Variants in ROBO2 observed in about 807,000 individuals in gnomAD.
ROBO2 encodes roundabout homolog 2.
ROBO2 carries 53 observed loss-of-function variants against 160.8 expected under a neutral mutation model. The ratio of observed to expected loss-of-function variants is 0.33; its 90% CI spans 0.26 to 0.41. The LOEUF (loss-of-function observed/expected upper bound fraction) is 0.41. Ranked by LOEUF, ROBO2 falls within the 10% of genes least tolerant of loss-of-function variation. The pLI is 1.00. For synonymous variants in ROBO2, 664 were observed against 611.7 expected (o/e 1.09, Z -1.26); for missense variants, 1,577 against 1,722.4 (o/e 0.92, Z 1.49).
chr3:76,634,581 A>AAG (rs1314799616), intron 2 of ROBO2, among the ~76,000 whole-genome samples: 2 of 150,916 alleles, frequency 1.3e-5, no homozygotes, highest in Non-Finnish European at 2.9e-5. Context: ...GAGAAAAAAA[A>AAG]AAAAAGGACA....
At position 75,947,874 on chromosome 3, in the gene ROBO2, G is replaced by A. The variant is rs76604943; in HGVS notation, c.109+10272G>A. ...AAAGCCCATGGGAGGATGACATTAT[G>A]TCTGGCCAAAGATTTAGGGAAGAGC... On this transcript the variant is annotated intron_variant, in intron 2 of 26. Coordinates refer to the ROBO2 transcript ENST00000487694. 5.7e-4 allele frequency among the ~76,000 whole-genome samples: 87 copies of A among 152,196 alleles called. 1 individual carries two copies. The East Asian group carries it at 0.016, about 27-fold the overall frequency.
Position 77,024,970 on chromosome 3 carries a change from TTG to T in ROBO2, c.110-73042_110-73041del, listed in dbSNP as rs548787427. On this transcript the variant is annotated intron_variant, in intron 2 of 26. Transcript: ENST00000487694. Reference sequence around the variant, plus strand: ...GTCTTCTCCTCTTAGCTGTTTTTTTTTGTTTGTTTTTTGTTTTAAAAAAAAAG... The same window carrying T: ...GTCTTCTCCTCTTAGCTGTTTTTTTTTTTGTTTTTTGTTTTAAAAAAAAAG... Among the ~76,000 whole-genome samples the T allele has an allele frequency of 2.8e-4, 43 of 151,982 alleles. No homozygotes were observed. The South Asian group carries it at 7.3e-3, about 26-fold the overall frequency.
chr3:76,537,797 G>A (rs1277618594), intron 2 of ROBO2, among the ~76,000 whole-genome samples: 1 of 152,108 alleles, frequency 6.6e-6, no homozygotes, highest in African/African-American at 2.4e-5. Context: ...GGGAGATAGG[G>A]GAGGGGCAGC....
At chr3:76,911,641 G>A (rs17014895) in intron 2 of ROBO2, among the ~76,000 whole-genome samples, 61,232 of 152,000 alleles carry the variant, frequency 0.4, 12,614 homozygotes, top group Middle Eastern at 0.48. Flanking sequence ...TAGGTTCTCA[G>A]ATACATGCTA....
chr3:76,760,249 A>G (rs1329199703), intron 2 of ROBO2, among the ~76,000 whole-genome samples: 1 of 151,818 alleles, frequency 6.6e-6, no homozygotes, highest in African/African-American at 2.4e-5. Flanking sequence ...TTAAACATTT[A>G]TGAGAATACT....
At chr3:77,070,355 G>A (rs1260515149) in intron 1 of ROBO2, among the ~76,000 whole-genome samples, 1 of 152,100 alleles carries the variant, frequency 6.6e-6, no homozygotes, top group Non-Finnish European at 1.5e-5. Context: ...TCATTGGTTT[G>A]TGGCAGTATA....
intron 2 of ROBO2, among the ~76,000 whole-genome samples, chr3:77,442,993 T>C (rs2080109058): frequency 6.6e-6 from 1 of 152,230 alleles, no homozygotes; most frequent in South Asian, 2.1e-4. Flanking sequence ...GATTGGAATA[T>C]AATGTGTCTG....
At chr3:76,247,186 C>T (rs775393501) in intron 2 of ROBO2, among the ~76,000 whole-genome samples, 10 of 152,056 alleles carry the variant, frequency 6.6e-5, no homozygotes, top group South Asian at 4.1e-4. Context: ...AGACTTCTTA[C>T]GTGTGTTCAA....
At chr3:76,240,817 G>A (rs555984441) in intron 2 of ROBO2, among the ~76,000 whole-genome samples, 1 of 152,122 alleles carries the variant, frequency 6.6e-6, no homozygotes, top group Admixed American at 6.6e-5. Context: ...TAAACACTGA[G>A]GGTTTTGGGC....
At chr3:77,118,871 C>G (rs189093323) in intron 2 of ROBO2, among the ~76,000 whole-genome samples, 20 of 152,256 alleles carry the variant, frequency 1.3e-4, no homozygotes, top group Admixed American at 2.6e-4. Flanking sequence ...CCTATTGCTT[C>G]TAGCCTATAA....
chr3:76,114,986 A>G (rs987600091), intron 2 of ROBO2, among the ~76,000 whole-genome samples: 3 of 152,138 alleles, frequency 2.0e-5, no homozygotes, highest in African/African-American at 7.2e-5. Context: ...CTGTTAAGTG[A>G]GGTTAGAATT....
chr3:77,541,417 T>C (rs1446557635), intron 6 of ROBO2, among the ~76,000 whole-genome samples: 1 of 152,226 alleles, frequency 6.6e-6, no homozygotes, highest in Admixed American at 6.5e-5. Context: ...AGCGTGACTT[T>C]GATTGAAGCC....
chr3:77,227,978 G>A (rs17015098), intron 2 of ROBO2, among the ~76,000 whole-genome samples: 3,820 of 152,274 alleles, frequency 0.025, 188 homozygotes, highest in East Asian at 0.22. Flanking sequence ...GGGTGCAGAG[G>A]TATGTAGAAG....
chr3:77,026,571 A>G (rs1227504522), intron 2 of ROBO2, among the ~76,000 whole-genome samples: 1 of 152,216 alleles, frequency 6.6e-6, no homozygotes, highest in African/African-American at 2.4e-5. Flanking sequence ...TATCTTCTGC[A>G]AAGGGCTCAG....
intron 2 of ROBO2, among the ~76,000 whole-genome samples, chr3:77,378,197 G>A (rs1239180635): frequency 2.6e-5 from 4 of 152,094 alleles, no homozygotes; most frequent in Non-Finnish European, 4.4e-5. Flanking sequence ...AATTACCATT[G>A]TCTTATTGAA....
intron 2 of ROBO2, among the ~76,000 whole-genome samples, chr3:76,560,889 G>A (rs933761891): frequency 2.0e-5 from 3 of 146,490 alleles, no homozygotes; most frequent in Admixed American, 6.9e-5. Context: ...GGTATCATGA[G>A]CTTGACTATC....
At chr3:77,103,218 G>C (rs145328885) in intron 2 of ROBO2, among the ~76,000 whole-genome samples, 2 of 151,910 alleles carry the variant, frequency 1.3e-5, no homozygotes, top group African/African-American at 4.9e-5. Context: ...TTGATCTATC[G>C]ACCAGGGTAA....
intron 2 of ROBO2, among the ~76,000 whole-genome samples, chr3:76,135,630 T>A (rs1396786112): frequency 2.0e-5 from 3 of 152,104 alleles, no homozygotes; most frequent in African/African-American, 7.2e-5. Flanking sequence ...GTCGCGACTG[T>A]TCTATTATTT....
At chr3:77,185,067 C>T (rs1213530608) in intron 2 of ROBO2, among the ~76,000 whole-genome samples, 2 of 151,946 alleles carry the variant, frequency 1.3e-5, no homozygotes, top group Non-Finnish European at 2.9e-5. Context: ...TTTGACAAGT[C>T]TCTGGGTTCA....
Sources: gnomAD v4.1 joint callset for allele counts (sites outside exome capture counted in the v4.1 genomes callset) on GRCh38, gnomAD v4.1.1 for gene constraint, MANE v1.5 for transcripts, NCBI Gene and HGNC (gene_info 2026-07-23, HGNC 2026-07-21) for gene names.